Variants in RARB observed in about 807,000 individuals in gnomAD.
RARB encodes retinoic acid receptor beta.
Under a neutral mutation model 51.9 loss-of-function variants are expected in RARB, and 17 were observed. The observed-to-expected ratio is 0.33, with a 90% CI of 0.22 to 0.49. The LOEUF (loss-of-function observed/expected upper bound fraction) is 0.49. Among genes scored for constraint, RARB ranks in the 20% least tolerant of loss-of-function variants. The pLI, the probability that RARB is intolerant of heterozygous loss-of-function variation, is 0.99. For synonymous variants in RARB, 215 were observed against 195.4 expected, an observed-to-expected ratio of 1.10 and a Z score of -0.84; for missense variants, 369 against 550.8, an observed-to-expected ratio of 0.67 and a Z score of 3.30.
chr3:25,515,849 G>A (rs951002844), intron 3 of RARB, among the ~76,000 whole-genome samples: 1 of 152,176 alleles, frequency 6.6e-6, no homozygotes, highest in Non-Finnish European at 1.5e-5. Flanking sequence ...AACTATGTGT[G>A]TATTTTATAC....
At chr3:25,373,275 A>G (rs1281806509) in intron 5 of RARB, among the ~76,000 whole-genome samples, 1 of 152,152 alleles carries the variant, frequency 6.6e-6, no homozygotes, top group Non-Finnish European at 1.5e-5. Context: ...AGAGAGAAAG[A>G]AAGACAGTAC....
intron 5 of RARB, among the ~76,000 whole-genome samples, chr3:25,313,357 G>A (rs1704337681): frequency 6.6e-6 from 1 of 152,328 alleles, no homozygotes; most frequent in Non-Finnish European, 1.5e-5. Flanking sequence ...GGCCCTGGCA[G>A]ATGCATCAGT....
At chr3:25,013,017 G>A (rs1308532759) in intron 2 of RARB, among the ~76,000 whole-genome samples, 6 of 152,046 alleles carry the variant, frequency 3.9e-5, no homozygotes, top group Non-Finnish European at 5.9e-5. Context: ...ATGGAGAAAG[G>A]GTAGATGCAC....
At chr3:25,490,110 G>A (rs34566813) in intron 2 of RARB, among the ~76,000 whole-genome samples, 70,569 of 152,110 alleles carry the variant, frequency 0.46, 18,170 homozygotes, top group South Asian at 0.64. Flanking sequence ...TGACTTAAAT[G>A]TAAATGCCTG....
At chr3:25,072,827 G>A (rs1698796262) in intron 3 of RARB, among the ~76,000 whole-genome samples, 1 of 151,954 alleles carries the variant, frequency 6.6e-6, no homozygotes, top group Non-Finnish European at 1.5e-5. Flanking sequence ...TCCTGCCTCA[G>A]CCTGCCGAGT....
intron 2 of RARB, among the ~76,000 whole-genome samples, chr3:24,981,813 C>A (rs560063162): frequency 1.3e-5 from 2 of 152,302 alleles, no homozygotes; most frequent in East Asian, 3.9e-4. Flanking sequence ...CCAGTCCCCA[C>A]GAGACAAACC....
At chr3:25,575,215 T>C (rs188761770) in intron 4 of RARB, among the ~76,000 whole-genome samples, 94 of 152,288 alleles carry the variant, frequency 6.2e-4, no homozygotes, top group African/African-American at 2.1e-3. Flanking sequence ...CCGCCGCTGA[T>C]CTGAAGGAGG....
At chr3:25,569,687 G>A (rs2125285628) in intron 3 of RARB, 71 bp from the exon 4 acceptor site, 3 of 1,506,148 alleles carry the variant, frequency 2.0e-6, no homozygotes, top group Non-Finnish European at 2.7e-6. Flanking sequence ...CTTGGGAGGT[G>A]GAACCTCCCA....
intron 2 of RARB, among the ~76,000 whole-genome samples, chr3:24,926,954 C>G (rs995962780): frequency 6.6e-6 from 1 of 151,930 alleles, no homozygotes; most frequent in East Asian, 1.9e-4. Flanking sequence ...AGCTGAACTT[C>G]GAAATAAGAG....
At position 25,580,535 on chromosome 3, in the gene RARB, C is replaced by T. The variant is rs1035327049; in HGVS notation, c.610-11C>T. 6.4e-7 allele frequency: 1 copy of T among 1,564,362 alleles called. No individual in the cohort carries two copies. The highest frequency in any genetic ancestry group is 2.3e-5 in the East Asian group (1 of 43,920). ...GAAACTGTATCTGATGACATTTTCT[C>T]TCTCTCCTAGAATTCCAGTGCTGAC... On this transcript the variant is annotated splice_polypyrimidine_tract_variant and intron_variant, in intron 4 of 7. Coordinates refer to ENST00000330688, the MANE Select transcript of RARB (RefSeq NM_000965.5).
At chr3:25,349,032 G>A (rs1705480901) in intron 5 of RARB, among the ~76,000 whole-genome samples, 1 of 152,142 alleles carries the variant, frequency 6.6e-6, no homozygotes, top group African/African-American at 2.4e-5. Context: ...ATGCCATCAA[G>A]AAGTAATGTT....
intron 2 of RARB, among the ~76,000 whole-genome samples, chr3:25,012,150 A>G (rs1443913713): frequency 6.6e-6 from 1 of 152,114 alleles, no homozygotes; most frequent in African/African-American, 2.4e-5. Context: ...TCTCTGGATT[A>G]CATTGACCCC....
chr3:25,274,336 C>T lies in RARB; in HGVS notation c.178+99761C>T, dbSNP rs143100600. Among the ~76,000 whole-genome samples the T allele has an allele frequency of 4.3e-3, 648 of 152,210 alleles. 9 individuals are homozygous for T. The highest frequency in any genetic ancestry group is 0.014 in the African/African-American group (594 of 41,514). ...CGTTCAAGTGCTCAGCAGCCACACG[C>T]AACTAATGGCCATAGGCTACCATAC... On this transcript the variant is annotated intron_variant, in intron 5 of 11. Coordinates refer to the RARB transcript ENST00000383772.
intron 5 of RARB, among the ~76,000 whole-genome samples, chr3:25,303,971 A>G (rs1367410629): frequency 6.6e-6 from 1 of 152,196 alleles, no homozygotes; most frequent in Admixed American, 6.5e-5. Flanking sequence ...CCTGCTATGA[A>G]AAAGAACACT....
intron 5 of RARB, among the ~76,000 whole-genome samples, chr3:25,419,936 T>C (rs900253230): frequency 1.3e-5 from 2 of 150,508 alleles, no homozygotes; most frequent in African/African-American, 5.0e-5. Context: ...AAAAACTAAT[T>C]TTGGAAGCCA....
At chr3:25,351,820 C>A (rs1315541378) in intron 5 of RARB, among the ~76,000 whole-genome samples, 1 of 152,162 alleles carries the variant, frequency 6.6e-6, no homozygotes, top group Non-Finnish European at 1.5e-5. Flanking sequence ...CCCGGTCTGG[C>A]TGCACAAGGA....
chr3:24,927,298 T>C (rs1213109105), intron 2 of RARB, among the ~76,000 whole-genome samples: 1 of 152,120 alleles, frequency 6.6e-6, no homozygotes, highest in Non-Finnish European at 1.5e-5. Flanking sequence ...AATGGCTTAA[T>C]TTGTTCTGAG....
chr3:25,307,475 C>G (rs543731443), intron 5 of RARB, among the ~76,000 whole-genome samples: 3 of 152,168 alleles, frequency 2.0e-5, no homozygotes, highest in African/African-American at 7.2e-5. Flanking sequence ...TCAGAAGTCC[C>G]TTAGCCAACA....
At chr3:25,280,260 T>C (rs1330997930) in intron 5 of RARB, among the ~76,000 whole-genome samples, 2 of 152,228 alleles carry the variant, frequency 1.3e-5, no homozygotes, top group Admixed American at 6.5e-5. Context: ...TTCTTTTCTC[T>C]GACCCTGTGT....
Sources: allele counts gnomAD v4.1 joint callset (sites outside exome capture counted in the v4.1 genomes callset), GRCh38; gene constraint gnomAD v4.1.1; transcripts MANE v1.5; gene names NCBI Gene and HGNC (gene_info 2026-07-23, HGNC 2026-07-21).